The following SEL1L3 variants were observed in gnomAD, a reference collection of about 807,000 sequenced individuals.
SEL1L3 encodes SEL1L family member 3.
Under a neutral mutation model 142.8 loss-of-function variants are expected in SEL1L3, and 76 were observed. The ratio of observed to expected loss-of-function variants is 0.53; its 90% CI spans 0.44 to 0.64. The LOEUF is 0.64. SEL1L3 is among the 30% of genes least tolerant of loss of function. The pLI, the probability that SEL1L3 is intolerant of heterozygous loss-of-function variation, is 0.00. For missense variants in SEL1L3, 1,262 were observed against 1,381.7 expected, an observed-to-expected ratio of 0.91 and a Z score of 1.37; for synonymous variants, 504 against 519.6, an observed-to-expected ratio of 0.97 and a Z score of 0.41.
At chr4:25,779,926 T>G (rs1560293794) in intron 15 of SEL1L3, among the ~76,000 whole-genome samples, 1 of 152,166 alleles carries the variant, frequency 6.6e-6, no homozygotes, top group Admixed American at 6.5e-5. Flanking sequence ...TTCCTTCCAC[T>G]AAAAAATGTG....
At chr4:25,863,020 C>T, upstream of SEL1L3, 1 of 189,134 alleles carries the variant, frequency 5.3e-6, no homozygotes, top group Non-Finnish European at 9.4e-6. Context: ...CCCGCAGCCC[C>T]AGCCGAGCGC....
chr4:25,802,516 A>G, intron 10 of SEL1L3, 54 bp from the exon 11 acceptor site: 1 of 1,463,584 alleles, frequency 6.8e-7, no homozygotes, highest in South Asian at 1.2e-5. Flanking sequence ...GGGTCATAAA[A>G]TCCTAACACT....
chr4:25,717,366 T>C, the SEL1L3 span, among the ~76,000 whole-genome samples: 6 of 152,250 alleles, frequency 3.9e-5, no homozygotes, highest in Admixed American at 2.0e-4. Context: ...TATTTTGTTT[T>C]ATAAAAACCA....
the SEL1L3 span, chr4:25,720,766 G>A: frequency 6.6e-6 from 1 of 152,212 alleles, no homozygotes; most frequent in East Asian, 1.9e-4. Flanking sequence ...TAGACTTGTA[G>A]AAAGGTAAAG....
At chr4:25,858,027 G>A (rs561419578) in intron 1 of SEL1L3, among the ~76,000 whole-genome samples, 13 of 152,340 alleles carry the variant, frequency 8.5e-5, no homozygotes, top group African/African-American at 2.4e-4. Flanking sequence ...CTCATGGGCC[G>A]AACACGCCTC....
chr4:25,733,146 C>T, the SEL1L3 span, among the ~76,000 whole-genome samples: 1 of 152,036 alleles, frequency 6.6e-6, no homozygotes, highest in East Asian at 1.9e-4. Context: ...TTGGAAACTT[C>T]TACAAAATAG....
chr4:25,779,535 T>A (rs531331339), intron 15 of SEL1L3, among the ~76,000 whole-genome samples: 1 of 152,140 alleles, frequency 6.6e-6, no homozygotes, highest in African/African-American at 2.4e-5. Flanking sequence ...CAGGTGAAAA[T>A]CCAGGCATTT....
At chr4:25,715,396 T>C in the SEL1L3 span, among the ~76,000 whole-genome samples, 1 of 152,138 alleles carries the variant, frequency 6.6e-6, no homozygotes, top group Non-Finnish European at 1.5e-5. Context: ...ATTTTTCACC[T>C]ATCGGGTTGG....
intron 1 of SEL1L3, among the ~76,000 whole-genome samples, chr4:25,858,410 CAT>C (rs1717410843): frequency 6.6e-6 from 1 of 152,196 alleles, no homozygotes; most frequent in African/African-American, 2.4e-5. Flanking sequence ...GCATTGCACA[CAT>C]AGTGAGGGGT....
At chr4:25,778,089 T>G (rs1719757093) in intron 16 of SEL1L3, among the ~76,000 whole-genome samples, 1 of 152,184 alleles carries the variant, frequency 6.6e-6, no homozygotes, top group Admixed American at 6.5e-5. Context: ...CATTTTCAGA[T>G]CTGCAAGACC....
At chr4:25,836,466 G>A (rs1349235623) in intron 2 of SEL1L3, among the ~76,000 whole-genome samples, 2 of 151,924 alleles carry the variant, frequency 1.3e-5, no homozygotes, top group Non-Finnish European at 2.9e-5. Context: ...GGCCAACATG[G>A]TGAAACCCCA....
chr4:25,783,666 G>A (rs74756515), intron 14 of SEL1L3, among the ~76,000 whole-genome samples: 1 of 152,182 alleles, frequency 6.6e-6, no homozygotes, highest in African/African-American at 2.4e-5. Flanking sequence ...GGGGCCCCTC[G>A]AAAGCAACAT....
intron 10 of SEL1L3, 85 bp from the exon 11 acceptor site, chr4:25,802,547 T>A: frequency 1.8e-6 from 2 of 1,115,548 alleles, no homozygotes; most frequent in Non-Finnish European, 2.6e-6. Context: ...CAGGCCCAAT[T>A]CCTATATACA....
At chr4:25,715,348 T>A in the SEL1L3 span, among the ~76,000 whole-genome samples, 2 of 152,074 alleles carry the variant, frequency 1.3e-5, no homozygotes, top group East Asian at 1.9e-4. Flanking sequence ...TTATATTTTT[T>A]AAAAAAGAAA....
At chr4:25,747,027 A>G (rs1032942945), downstream of SEL1L3, among the ~76,000 whole-genome samples, 2 of 152,204 alleles carry the variant, frequency 1.3e-5, no homozygotes, top group African/African-American at 4.8e-5. Flanking sequence ...TGTCAGTTAC[A>G]GGACCAGAAT....
At chr4:25,789,849 AG>A (rs201165261) in intron 12 of SEL1L3, among the ~76,000 whole-genome samples, 2,566 of 152,280 alleles carry the variant, frequency 0.017, 36 homozygotes, top group South Asian at 0.047. Context: ...AGGGAAGCAG[AG>A]AGGGTGCTTC....
chr4:25,722,104 T>C, the SEL1L3 span, among the ~76,000 whole-genome samples: 1 of 152,162 alleles, frequency 6.6e-6, no homozygotes, highest in Non-Finnish European at 1.5e-5. Context: ...CTCAGGGCCT[T>C]ATATACCATT....
chr4:25,821,032 T>C (rs1238964456), intron 7 of SEL1L3, among the ~76,000 whole-genome samples: 2 of 152,218 alleles, frequency 1.3e-5, no homozygotes, highest in Admixed American at 1.3e-4. Context: ...TTGGCTGATA[T>C]TAAGCAGATT....
chr4:25,794,981 C>T (rs1018811504), intron 11 of SEL1L3, among the ~76,000 whole-genome samples: 3 of 134,600 alleles, frequency 2.2e-5, no homozygotes, highest in African/African-American at 8.5e-5. Context: ...TGCATCTTCT[C>T]ACTTGTAAGT....
Sources: gnomAD v4.1 joint callset for allele counts (sites outside exome capture counted in the v4.1 genomes callset) on GRCh38, gnomAD v4.1.1 for gene constraint, MANE v1.5 for transcripts, NCBI Gene and HGNC (gene_info 2026-07-23, HGNC 2026-07-21) for gene names.